Variants in USP37 observed in about 807,000 individuals in gnomAD.
USP37 encodes the protein ubiquitin specific peptidase 37, also known as ubiquitin carboxyl-terminal hydrolase 37.
A neutral mutation model predicts 124.0 loss-of-function variants in USP37; 27 were observed. The observed-to-expected ratio is 0.22, with a 90% CI of 0.16 to 0.30. The LOEUF (loss-of-function observed/expected upper bound fraction) is 0.30, where lower values mean the gene tolerates loss of function less well. Among genes scored for constraint, USP37 ranks in the 10% least tolerant of loss-of-function variants. USP37 has a pLI of 1.00. For synonymous variants in USP37, 365 were observed against 388.0 expected (o/e 0.94, Z 0.70); for missense variants, 889 against 1,140.4 (o/e 0.78, Z 3.17).
chr2:218,497,875 A>T lies in USP37; in HGVS notation c.1158-18T>A. On this transcript the variant is annotated intron_variant, in intron 12 of 25. Transcript: ENST00000258399. Reference sequence around the variant, plus strand: ...CAAAGCGTCTAGTAAAACAAAAAACACAAAGTTAGCACGTTTTACATGACA... The same window carrying T: ...CAAAGCGTCTAGTAAAACAAAAAACTCAAAGTTAGCACGTTTTACATGACA... 1 of 1,610,312 alleles carries T rather than the reference A, an allele frequency of 6.2e-7. No individual in the cohort carries two copies. Among genetic ancestry groups the T allele is most frequent in the Non-Finnish European group, 8.5e-7 (1 of 1,178,660 alleles).
chr2:218,503,434 G>A (rs1346766871), intron 11 of USP37, among the ~76,000 whole-genome samples: 1 of 152,154 alleles, frequency 6.6e-6, no homozygotes, highest in Non-Finnish European at 1.5e-5. Flanking sequence ...GAAGTAAAAT[G>A]GGCTGGGCGC....
In USP37 at chr2:218,451,679, CCT is replaced by C. The variant is rs1324151969; in HGVS notation, c.*3249_*3250del. 2 of 152,046 alleles carry C rather than the reference CCT, an allele frequency of 1.3e-5. No homozygotes were observed. The highest frequency in any genetic ancestry group is 4.8e-5 in the African/African-American group (2 of 41,384). The allele number at this position is 152,046 out of a possible 1,614,324, so 9.4% of individuals were successfully genotyped here. On this transcript the variant is annotated 3_prime_UTR_variant, in exon 26 of 26. Transcript: ENST00000258399. ...TTTGCTGAGGTTTTAAATTTTAAAG[CCT>C]CTGTTTCAGAATTTTATACTTGATC... is the stretch of plus-strand genomic sequence containing the variant.
chr2:218,459,969 A>G lies in USP37; in HGVS notation c.2528-64T>C, dbSNP rs1574833909. ...GAATAGAATGGACGTGGTGGCTCACACCTGTAATCCCAACACTTTGGGAGG... is the reference window on the plus strand; with the variant it reads ...GAATAGAATGGACGTGGTGGCTCACGCCTGTAATCCCAACACTTTGGGAGG... On this transcript the variant is annotated intron_variant, in intron 22 of 25. Coordinates refer to ENST00000258399, the MANE Select transcript of USP37 (RefSeq NM_020935.3). 8.6e-6 allele frequency: 11 copies of G among 1,284,682 alleles called. 1 individual carries two copies. In the South Asian group the frequency reaches 1.4e-4, roughly 16 times the overall value. 79.6% of individuals were successfully genotyped at this position (1,284,682 alleles called of 1,614,324 possible).
intron 10 of USP37, among the ~76,000 whole-genome samples, chr2:218,529,371 C>G (rs1036048560): frequency 6.6e-6 from 1 of 151,868 alleles, no homozygotes; most frequent in African/African-American, 2.4e-5. Context: ...CTGACAGGCA[C>G]CTGTAATCCC....
intron 11 of USP37, chr2:218,500,776 C>T (rs867953734): frequency 6.6e-6 from 1 of 150,944 alleles, no homozygotes; most frequent in South Asian, 2.1e-4. Flanking sequence ...ACAGTGATAC[C>T]ATGTCATGCC....
At chr2:218,561,684 A>G (rs1015759367) in intron 2 of USP37, among the ~76,000 whole-genome samples, 1 of 151,068 alleles carries the variant, frequency 6.6e-6, no homozygotes, top group Admixed American at 6.6e-5. Context: ...ACCTCCATAC[A>G]CCTTTCAGAC....
At chr2:218,476,643 C>CA (rs1690999424) in intron 19 of USP37, among the ~76,000 whole-genome samples, 197 bp downstream of exon 19, 1 of 151,722 alleles carries the variant, frequency 6.6e-6, no homozygotes, top group Admixed American at 6.6e-5. Context: ...CTTTGAAGGG[C>CA]AAAAAAAGAA....
chr2:218,497,550 C>T (rs893639561), intron 13 of USP37, among the ~76,000 whole-genome samples, 184 bp downstream of exon 13: 1 of 151,522 alleles, frequency 6.6e-6, no homozygotes, highest in African/African-American at 2.4e-5. Context: ...CATGCCACCA[C>T]GCCTGGCTAA....
chr2:218,462,633 G>C (rs1690075180), intron 22 of USP37, among the ~76,000 whole-genome samples: 1 of 152,076 alleles, frequency 6.6e-6, no homozygotes, highest in Non-Finnish European at 1.5e-5. Context: ...TGTTCTTCTA[G>C]GAGTCGTAAC....
chr2:218,529,575 C>T (rs370702098), intron 10 of USP37, among the ~76,000 whole-genome samples: 13 of 151,762 alleles, frequency 8.6e-5, no homozygotes, highest in East Asian at 3.9e-4. Context: ...GTGGGAGGAT[C>T]GTTTCAAGTC....
intron 25 of USP37, 147 bp from the exon 26 acceptor site, chr2:218,455,164 C>T: frequency 1.0e-6 from 1 of 959,590 alleles, no homozygotes; most frequent in South Asian, 1.6e-5. Context: ...AAGCAGCTCA[C>T]TCATTTGATC....
intron 25 of USP37, 101 bp from the exon 26 acceptor site, chr2:218,455,118 T>A: frequency 7.4e-7 from 1 of 1,344,346 alleles, no homozygotes; most frequent in Non-Finnish European, 1.0e-6. Context: ...GGATAAGGCC[T>A]TCACAATTCC....
intron 4 of USP37, among the ~76,000 whole-genome samples, chr2:218,557,918 A>G (rs375841493): frequency 8.0e-6 from 1 of 125,490 alleles, no homozygotes; most frequent in Non-Finnish European, 1.6e-5. Flanking sequence ...GTGACAGAGG[A>G]AGACTCTGTC....
chr2:218,484,666 A>AC (rs1691456723), intron 16 of USP37, among the ~76,000 whole-genome samples: 2 of 151,014 alleles, frequency 1.3e-5, no homozygotes, highest in South Asian at 4.2e-4. Flanking sequence ...AAAAAAAAAA[A>AC]CCAACTCCCA....
intron 11 of USP37, among the ~76,000 whole-genome samples, chr2:218,505,278 CA>C (rs775682444): frequency 6.6e-6 from 1 of 152,150 alleles, no homozygotes; most frequent in Non-Finnish European, 1.5e-5. Context: ...CTCAGACTCC[CA>C]AAGTGCTGGG....
At chr2:218,563,776 A>G (rs942947807) in intron 1 of USP37, among the ~76,000 whole-genome samples, 2 of 152,174 alleles carry the variant, frequency 1.3e-5, no homozygotes, top group Admixed American at 1.3e-4. Context: ...CCTAGAGGCC[A>G]GGCACGGTGG....
chr2:218,543,511 A>AAC (rs1692108876), intron 8 of USP37, among the ~76,000 whole-genome samples: 1 of 147,342 alleles, frequency 6.8e-6, no homozygotes, highest in African/African-American at 2.5e-5. Context: ...CAAAAAAAAA[A>AAC]AAAAAAAAAA....
At chr2:218,560,331 TC>T (rs935014231) in intron 3 of USP37, among the ~76,000 whole-genome samples, 4 of 152,156 alleles carry the variant, frequency 2.6e-5, no homozygotes, top group African/African-American at 9.7e-5. Context: ...GGTCTAGAAA[TC>T]AGCAGCCAGC....
intron 23 of USP37, 21 bp from the exon 24 acceptor site, chr2:218,457,182 T>A: frequency 6.2e-7 from 1 of 1,609,536 alleles, no homozygotes; most frequent in Non-Finnish European, 8.5e-7. Flanking sequence ...GAAGTGGGTA[T>A]AACTTTTAAG....
Sources: allele counts gnomAD v4.1 joint callset (sites outside exome capture counted in the v4.1 genomes callset), GRCh38; gene constraint gnomAD v4.1.1; transcripts MANE v1.5; gene names NCBI Gene and HGNC (gene_info 2026-07-23, HGNC 2026-07-21).